Variants in PTPRT observed in about 807,000 individuals in gnomAD.
PTPRT encodes receptor-type tyrosine-protein phosphatase T.
In PTPRT, 56 loss-of-function variants were observed where a neutral mutation model predicts 176.8. The observed-to-expected ratio is 0.32, with a 90% CI of 0.26 to 0.40. PTPRT has a LOEUF of 0.40. PTPRT is among the 10% of genes least tolerant of loss of function. The pLI, the probability that PTPRT is intolerant of heterozygous loss-of-function variation, is 1.00. For synonymous variants in PTPRT, 783 were observed against 739.0 expected (o/e 1.06, Z -0.96); for missense variants, 1,540 against 1,908.2 (o/e 0.81, Z 3.60).
At chr20:43,089,212 C>T (rs2011725718) in intron 1 of PTPRT, among the ~76,000 whole-genome samples, 1 of 152,194 alleles carries the variant, frequency 6.6e-6, no homozygotes, top group Non-Finnish European at 1.5e-5. Flanking sequence ...TAAGCACTTG[C>T]TCAAAACCAC....
intron 6 of PTPRT, 88 bp downstream of exon 6, chr20:42,756,374 G>A (rs1444231784): frequency 7.8e-7 from 1 of 1,290,184 alleles, no homozygotes; most frequent in African/African-American, 1.5e-5. Flanking sequence ...CTGAATGTGG[G>A]GGAGGATCAG....
chr20:42,278,404 G>T lies in PTPRT; in HGVS notation c.2176+4085C>A, dbSNP rs140225482. Among the ~76,000 whole-genome samples, 135 of 151,846 alleles carry T rather than the reference G, an allele frequency of 8.9e-4. 1 individual carries two copies. Among genetic ancestry groups the T allele is most frequent in the Non-Finnish European group, 1.7e-3 (115 of 67,930 alleles). On this transcript the variant is annotated intron_variant, in intron 13 of 30. Transcript: ENST00000373187. ...TGAAAAACTGAAAGAAGACCAGTGT[G>T]CCAGAGTGTAATAAGAGAATAAAAG...
rs1462266846 is a variant in PTPRT at position 42,460,086 on chromosome 20, T to G, written c.1451-11757A>C. Among the ~76,000 whole-genome samples the G allele has an allele frequency of 2.6e-5, 4 of 152,336 alleles. No individual in the cohort carries two copies. In the South Asian group the frequency reaches 8.3e-4, roughly 32 times the overall value. On this transcript the variant is annotated intron_variant, in intron 8 of 30. Transcript: ENST00000373187. ...AGGATCACAGGCTCAGTTTTGAATG[T>G]GTTTAATTCCACGGGCTGATTAGCA...
chr20:42,070,094 C>T (rs1347313957), downstream of PTPRT, among the ~76,000 whole-genome samples: 3 of 152,078 alleles, frequency 2.0e-5, no homozygotes, highest in Non-Finnish European at 4.4e-5. Flanking sequence ...TCTCTTATCT[C>T]ACCAGCTGCT....
In PTPRT at chr20:43,053,474, A is replaced by G. The variant is rs944174190; in HGVS notation, c.88+136172T>C. Reference sequence around the variant, plus strand: ...TCCATCCACCATCATCCACTGAATTAAAGCAATCCCCATCACACACAAACT... The same window carrying G: ...TCCATCCACCATCATCCACTGAATTGAAGCAATCCCCATCACACACAAACT... On this transcript the variant is annotated intron_variant, in intron 1 of 30. Transcript: ENST00000373187. 4.6e-5 allele frequency among the ~76,000 whole-genome samples: 7 copies of G among 152,322 alleles called. No homozygotes were observed. In the East Asian group the frequency reaches 7.7e-4, roughly 17 times the overall value.
the PTPRT span, among the ~76,000 whole-genome samples, chr20:42,065,565 T>G: frequency 2.0e-5 from 3 of 152,274 alleles, no homozygotes; most frequent in African/African-American, 7.2e-5. Flanking sequence ...TGAGGGAATC[T>G]CCCCCATCCC....
At chr20:42,525,198 G>C (rs1341363511) in intron 7 of PTPRT, among the ~76,000 whole-genome samples, 1 of 152,092 alleles carries the variant, frequency 6.6e-6, no homozygotes, top group East Asian at 1.9e-4. Context: ...ATGTTGCCCA[G>C]GCTGGTCTCC....
chr20:42,899,786 C>T (rs190963490), intron 1 of PTPRT, among the ~76,000 whole-genome samples: 13 of 152,248 alleles, frequency 8.5e-5, no homozygotes, highest in African/African-American at 3.1e-4. Flanking sequence ...GTGTCAGAAG[C>T]ACAAGATTTG....
chr20:42,535,475 T>G (rs2072460457), intron 7 of PTPRT, among the ~76,000 whole-genome samples: 1 of 152,164 alleles, frequency 6.6e-6, no homozygotes, highest in Non-Finnish European at 1.5e-5. Context: ...GCCTATAAAA[T>G]AAAAGTTAAA....
intron 1 of PTPRT, among the ~76,000 whole-genome samples, chr20:42,993,385 T>C (rs750980611): frequency 2.5e-4 from 36 of 143,592 alleles, no homozygotes; most frequent in Non-Finnish European, 5.1e-4. Context: ...GCCACTGCAC[T>C]CCACCCTGGG....
At chr20:42,262,604 G>A (rs2056768633) in intron 13 of PTPRT, among the ~76,000 whole-genome samples, 1 of 152,222 alleles carries the variant, frequency 6.6e-6, no homozygotes. Context: ...AGAGTGAGGT[G>A]CTTGAACCAT....
chr20:43,014,574 T>C (rs1430334689), intron 1 of PTPRT, among the ~76,000 whole-genome samples: 1 of 152,178 alleles, frequency 6.6e-6, no homozygotes, highest in African/African-American at 2.4e-5. Context: ...GGGGATGGCA[T>C]CACCAACACT....
chr20:42,671,238 ACT>A (rs2075407582), intron 7 of PTPRT, among the ~76,000 whole-genome samples: 2 of 152,032 alleles, frequency 1.3e-5, no homozygotes, highest in African/African-American at 2.4e-5. Flanking sequence ...CCTAATGGAC[ACT>A]CTGTGTATAA....
chr20:42,752,067 C>T (rs2076777748), intron 6 of PTPRT, among the ~76,000 whole-genome samples: 1 of 152,166 alleles, frequency 6.6e-6, no homozygotes, highest in Non-Finnish European at 1.5e-5. Context: ...CTCGGCACAT[C>T]ACCGTGTACC....
intron 12 of PTPRT, among the ~76,000 whole-genome samples, chr20:42,307,537 C>T (rs988774860): frequency 1.3e-5 from 2 of 152,150 alleles, no homozygotes; most frequent in African/African-American, 4.8e-5. Flanking sequence ...CCCTCTAGAG[C>T]TTATATCTAC....
chr20:42,092,145 C>A (rs1984688049), intron 27 of PTPRT, among the ~76,000 whole-genome samples: 2 of 152,100 alleles, frequency 1.3e-5, no homozygotes, highest in Admixed American at 1.3e-4. Flanking sequence ...GTTTGGGCAA[C>A]AGGGTCAGGG....
chr20:43,124,033 T>C (rs1282838574), intron 1 of PTPRT, among the ~76,000 whole-genome samples: 1 of 152,244 alleles, frequency 6.6e-6, no homozygotes, highest in Admixed American at 6.5e-5. Flanking sequence ...GAAAATGAAG[T>C]AGGACAAGGC....
intron 1 of PTPRT, among the ~76,000 whole-genome samples, chr20:43,129,539 C>A (rs986281734): frequency 6.6e-6 from 1 of 151,486 alleles, no homozygotes; most frequent in African/African-American, 2.4e-5. Flanking sequence ...TCTTCCCCTT[C>A]TTACCAAACA....
intron 9 of PTPRT, among the ~76,000 whole-genome samples, chr20:42,446,621 T>TATGTGTGA (rs2070737955): frequency 7.7e-6 from 1 of 130,084 alleles, no homozygotes; most frequent in Admixed American, 7.6e-5. Context: ...TGTGTGTGTG[T>TATGTGTGA]GAGAGAGAGA....
Sources: allele counts gnomAD v4.1 joint callset (sites outside exome capture counted in the v4.1 genomes callset), GRCh38; gene constraint gnomAD v4.1.1; transcripts MANE v1.5; gene names NCBI Gene and HGNC (gene_info 2026-07-23, HGNC 2026-07-21).